The following PLEKHH2 variants were observed in gnomAD, a reference collection of about 807,000 sequenced individuals.
The protein encoded by PLEKHH2 is pleckstrin homology, MyTH4 and FERM domain containing H2.
A neutral mutation model predicts 187.9 loss-of-function variants in PLEKHH2; 129 were observed. The ratio of observed to expected loss-of-function variants is 0.69; its 90% CI spans 0.59 to 0.79. The LOEUF (loss-of-function observed/expected upper bound fraction) is 0.79. PLEKHH2 is among the 30% of genes least tolerant of loss of function. The probability of loss-of-function intolerance (pLI) is 0.00; values close to 1 mark genes in which losing one functional copy is unlikely to be tolerated. For missense variants in PLEKHH2, 2,076 were observed against 1,751.2 expected (o/e 1.19, Z -3.31); for synonymous variants, 686 against 605.6 (o/e 1.13, Z -1.95).
At chr2:43,691,003 T>G (rs1481662381) in intron 3 of PLEKHH2, among the ~76,000 whole-genome samples, 1 of 152,274 alleles carries the variant, frequency 6.6e-6, no homozygotes, top group Non-Finnish European at 1.5e-5. Context: ...TATGCCTTTC[T>G]GAGATTTTAT....
chr2:43,651,346 C>T (rs1276920217), intron 2 of PLEKHH2, among the ~76,000 whole-genome samples: 1 of 152,156 alleles, frequency 6.6e-6, no homozygotes, highest in African/African-American at 2.4e-5. Context: ...AGATTATAGG[C>T]GTGAGCCACC....
At position 43,644,706 on chromosome 2, in the gene PLEKHH2, A is replaced by G. The variant is rs1364834088; in HGVS notation, c.33A>G (p.Val11=). The G allele has an allele frequency of 6.2e-7, 1 of 1,607,328 alleles. No individual in the cohort carries two copies. The highest frequency in any genetic ancestry group is 1.3e-5 in the African/African-American group (1 of 74,916). MAELSEPEGP[V]DWKERCVALE... The stretch of plus-strand genomic sequence containing the variant: ...AGCTTTCTGAGCCAGAGGGACCAGT[A>G]GATTGGAAGGAACGATGTGTAGCTC... The change falls in exon 2 of 30, where the codon GTA becomes GTG. Residue 11 remains valine, a synonymous_variant. Coordinates refer to ENST00000282406, the MANE Select transcript of PLEKHH2 (RefSeq NM_172069.4).
chr2:43,745,547 C>T (rs1280213384), intron 23 of PLEKHH2, among the ~76,000 whole-genome samples: 4 of 152,086 alleles, frequency 2.6e-5, no homozygotes, highest in African/African-American at 9.7e-5. Flanking sequence ...AAACTTGCTT[C>T]TTCAGTGACC....
intron 27 of PLEKHH2, among the ~76,000 whole-genome samples, chr2:43,759,364 G>T (rs906415065): frequency 6.6e-6 from 1 of 152,138 alleles, no homozygotes; most frequent in African/African-American, 2.4e-5. Context: ...ACTAAGTTCT[G>T]TCTGCTAAAC....
intron 20 of PLEKHH2, 99 bp downstream of exon 20, chr2:43,738,619 A>G: frequency 8.4e-6 from 10 of 1,192,578 alleles, no homozygotes; most frequent in Non-Finnish European, 1.1e-5. Flanking sequence ...GGAGAATACA[A>G]AAAGTGCAGA....
Position 43,742,762 on chromosome 2 carries a change from C to G in PLEKHH2, c.3243C>G (p.Ala1081=). Residue 1081 remains alanine (A), a synonymous_variant, in exon 22 of 30, where the codon GCC becomes GCG. Transcript: ENST00000282406. ...ADSRTEFGKY[A]IYCQRCVERT... is the part of the protein sequence containing the mutation. ...ACAGGACAGAATTTGGAAAATATGC[C>G]ATTTACTGCCAGCGTTGTGTAGAAA... 6.4e-7 allele frequency: 1 copy of G among 1,574,706 alleles called. No individual in the cohort carries two copies. Among genetic ancestry groups the G allele is most frequent in the Admixed American group, 2.0e-5 (1 of 50,800 alleles).
chr2:43,675,615 A>C (rs756180281), intron 2 of PLEKHH2: 5 of 1,613,586 alleles, frequency 3.1e-6, no homozygotes, highest in Middle Eastern at 1.6e-4. Context: ...TTCCTTCATA[A>C]TCCTCTGCAT....
At chr2:43,733,831 T>A (rs1671163985) in intron 19 of PLEKHH2, among the ~76,000 whole-genome samples, 1 of 152,126 alleles carries the variant, frequency 6.6e-6, no homozygotes, top group Non-Finnish European at 1.5e-5. Flanking sequence ...ATTTTTAAAA[T>A]TTCTATAATG....
intron 24 of PLEKHH2, among the ~76,000 whole-genome samples, chr2:43,750,596 G>A (rs1023050818): frequency 1.6e-4 from 25 of 152,062 alleles, no homozygotes; most frequent in Admixed American, 4.6e-4. Context: ...CCTAACATCA[G>A]GCCTTATTCT....
intron 2 of PLEKHH2, among the ~76,000 whole-genome samples, chr2:43,653,514 GACTCTCCAGA>G (rs1666589852): frequency 6.6e-6 from 1 of 152,208 alleles, no homozygotes; most frequent in African/African-American, 2.4e-5. Flanking sequence ...CTTCTCTGAG[GACTCTCCAGA>G]AGGAGTGCTT....
rs138729636 is a variant in PLEKHH2, at chr2:43,715,984, A to T, written c.2460+3601A>T. Among the ~76,000 whole-genome samples the T allele has an allele frequency of 2.1e-3, 318 of 152,306 alleles. 3 individuals carry two copies. The highest frequency in any genetic ancestry group is 7.2e-3 in the African/African-American group (301 of 41,560). On this transcript the variant is annotated intron_variant, in intron 15 of 29. Coordinates refer to ENST00000282406, the MANE Select transcript of PLEKHH2 (RefSeq NM_172069.4). ...AGATGTGTGCAGAGGTCTGAGAGTAATGCCTGTGACTGATCTAGTGTCACA... is the reference window on the plus strand; with the variant it reads ...AGATGTGTGCAGAGGTCTGAGAGTATTGCCTGTGACTGATCTAGTGTCACA...
chr2:43,710,690 G>C (rs760812634), intron 14 of PLEKHH2, 115 bp downstream of exon 14: 4 of 1,471,974 alleles, frequency 2.7e-6, no homozygotes, highest in Non-Finnish European at 3.6e-6. Context: ...ATTCACTTTG[G>C]GGGGTTAGTT....
intron 2 of PLEKHH2, among the ~76,000 whole-genome samples, chr2:43,665,848 C>T (rs1280410708): frequency 3.8e-5 from 5 of 131,926 alleles, no homozygotes; most frequent in African/African-American, 6.2e-5. Context: ...TCTCCAGCTG[C>T]GTGCTGGGAG....
In PLEKHH2 at chr2:43,700,238, G is replaced by A. The variant is rs767386583; in HGVS notation, c.1280G>A (p.Gly427Glu). The A allele has an allele frequency of 1.2e-5, 19 of 1,614,056 alleles. No individual in the cohort carries two copies. The highest frequency in any genetic ancestry group is 1.6e-5 in the Non-Finnish European group (19 of 1,180,014). ...PKHPNSLSGK[G>E]TQLVPSSHLP... ...CATCCTAACTCACTCTCTGGAAAAG[G>A]AACACAATTAGTGCCTTCATCACAC... The change falls in exon 8 of 30, where the codon GGA (glycine) becomes GAA (glutamate). Residue 427 changes from glycine (G) to glutamate (E), a missense_variant. Physicochemically the swap from Gly to Glu is moderately conservative, Grantham distance 98. Transcript: ENST00000282406.
At chr2:43,674,776 G>A (rs4508647) in intron 2 of PLEKHH2, among the ~76,000 whole-genome samples, 99,403 of 151,812 alleles carry the variant, frequency 0.65, 33,348 homozygotes, top group Middle Eastern at 0.73. Flanking sequence ...CCTGAAGTCA[G>A]GAGTTCAAGA....
At chr2:43,676,050 CCAGGTCTCTTTCAGTA>C in intron 2 of PLEKHH2, 1 of 1,613,944 alleles carries the variant, frequency 6.2e-7, no homozygotes, top group Non-Finnish European at 8.5e-7. Context: ...AGTGTTTGGT[CCAGGTCTCTTTCAGTA>C]CAGCCCAGTA....
chr2:43,711,849 G>C (rs1669981955), intron 14 of PLEKHH2: 4 of 713,636 alleles, frequency 5.6e-6, no homozygotes, highest in Non-Finnish European at 5.3e-6. Flanking sequence ...AGCCAAGATG[G>C]CGCCACTGCA....
chr2:43,699,518 C>T (rs1451596117), intron 7 of PLEKHH2, 129 bp from the exon 8 acceptor site: 3 of 1,112,048 alleles, frequency 2.7e-6, no homozygotes, highest in South Asian at 1.6e-5. Context: ...GCTGGGACTA[C>T]AGGTACACAC....
Position 43,712,256 on chromosome 2 carries a change from C to G in PLEKHH2, c.2333C>G (p.Thr778Ser), listed in dbSNP as rs759707105. Residue 778 changes from threonine to serine, a missense_variant, in exon 15 of 30, where the codon ACT becomes AGT. By Grantham distance (58) the Thr-to-Ser change is moderately conservative (BLOSUM62 1). Transcript: ENST00000282406. The part of the protein sequence containing the change: ...LTTEKHTYYL[T>S]ADSPNILEEW... ...ACTGAAAAACACACATACTATCTGA[C>G]TGCAGATTCTCCCAATATATTGGAA... 2 of 1,613,568 alleles carry G rather than the reference C, an allele frequency of 1.2e-6. No homozygotes were observed. Among genetic ancestry groups the G allele is most frequent in the Non-Finnish European group, 1.7e-6 (2 of 1,179,438 alleles).
Sources: allele counts gnomAD v4.1 joint callset (sites outside exome capture counted in the v4.1 genomes callset), GRCh38; gene constraint gnomAD v4.1.1; transcripts MANE v1.5; gene names NCBI Gene and HGNC (gene_info 2026-07-23, HGNC 2026-07-21).